Variants in NCALD observed in about 807,000 individuals in gnomAD.
The protein encoded by NCALD is neurocalcin delta.
A neutral mutation model predicts 18.6 loss-of-function variants in NCALD; 10 were observed. The observed-to-expected ratio is 0.54, with a 90% confidence interval of 0.33 to 0.91. The LOEUF (loss-of-function observed/expected upper bound fraction) is 0.91, where lower values mean the gene tolerates loss of function less well. Ranked by LOEUF, NCALD falls within the 40% of genes least tolerant of loss-of-function variation. NCALD has a pLI of 0.03. For synonymous variants in NCALD, 88 were observed against 87.4 expected, an observed-to-expected ratio of 1.01 and a Z score of -0.04; for missense variants, 184 against 247.6, an observed-to-expected ratio of 0.74 and a Z score of 1.72.
At chr8:101,744,124 C>T (rs1248247691) in intron 1 of NCALD, among the ~76,000 whole-genome samples, 19 of 152,174 alleles carry the variant, frequency 1.2e-4, no homozygotes. Flanking sequence ...TCTGATAGCC[C>T]CTTTCTCCCT....
At chr8:101,803,094 A>ATGGC (rs1243023702) in intron 4 of NCALD, among the ~76,000 whole-genome samples, 2 of 152,168 alleles carry the variant, frequency 1.3e-5, no homozygotes, top group East Asian at 3.8e-4. Flanking sequence ...AGAGAAGTCA[A>ATGGC]TGGCTGGCTT....
intron 2 of NCALD, among the ~76,000 whole-genome samples, chr8:101,958,896 G>T (rs908528859): frequency 6.6e-6 from 1 of 152,140 alleles, no homozygotes; most frequent in Non-Finnish European, 1.5e-5. Flanking sequence ...CAGAAAAGTT[G>T]CAGAAACAGC....
intron 1 of NCALD, among the ~76,000 whole-genome samples, chr8:102,119,968 G>C (rs1415326152): frequency 6.6e-6 from 1 of 152,166 alleles, no homozygotes; most frequent in Non-Finnish European, 1.5e-5. Context: ...AAAATTTCTT[G>C]AAGTTATATA....
At chr8:102,054,067 T>C (rs1160371121) in intron 1 of NCALD, among the ~76,000 whole-genome samples, 1 of 152,216 alleles carries the variant, frequency 6.6e-6, no homozygotes, top group African/African-American at 2.4e-5. Context: ...CTTCATGGCA[T>C]CCCATACAGG....
intron 1 of NCALD, among the ~76,000 whole-genome samples, chr8:101,770,291 A>G (rs1198317676): frequency 6.6e-6 from 1 of 152,202 alleles, no homozygotes; most frequent in Admixed American, 6.5e-5. Flanking sequence ...ATTCATTTCT[A>G]AAAATCAAGA....
At chr8:101,775,408 A>G (rs1421725195) in intron 1 of NCALD, among the ~76,000 whole-genome samples, 1 of 152,178 alleles carries the variant, frequency 6.6e-6, no homozygotes. Context: ...GAGGCTCTCA[A>G]CGTTTAGCTG....
chr8:102,083,561 T>G (rs775229746), intron 1 of NCALD, among the ~76,000 whole-genome samples: 6 of 152,196 alleles, frequency 3.9e-5, no homozygotes, highest in Non-Finnish European at 8.8e-5. Flanking sequence ...GTATGTATTA[T>G]CAAAGTCAAA....
intron 4 of NCALD, among the ~76,000 whole-genome samples, chr8:101,854,189 A>G (rs187269649): frequency 6.6e-6 from 1 of 152,282 alleles, no homozygotes; most frequent in East Asian, 1.9e-4. Context: ...TGTTTGCACT[A>G]TTGGTAGCAG....
intron 1 of NCALD, among the ~76,000 whole-genome samples, chr8:102,068,527 A>G (rs1159254977): frequency 2.0e-5 from 3 of 152,006 alleles, no homozygotes; most frequent in Non-Finnish European, 2.9e-5. Context: ...CAGCCTAGAA[A>G]TCACCTTCTA....
chr8:101,872,107 T>C lies in NCALD; in HGVS notation c.-20+15034A>G, dbSNP rs529305968. The C allele has an allele frequency of 7.5e-6, 12 of 1,597,514 alleles. No homozygotes were observed. In the East Asian group the frequency reaches 2.7e-4, roughly 36 times the overall value. Reference sequence around the variant, plus strand: ...GGGTATGCAGGTGGTTGAATTGGCTTTGATAAATTTGACATCAGGAAACTT... The same window carrying C: ...GGGTATGCAGGTGGTTGAATTGGCTCTGATAAATTTGACATCAGGAAACTT... On this transcript the variant is annotated intron_variant, in intron 4 of 6. Transcript: ENST00000311028.
At chr8:102,061,815 C>T (rs189576455) in intron 1 of NCALD, among the ~76,000 whole-genome samples, 6 of 152,280 alleles carry the variant, frequency 3.9e-5, no homozygotes, top group Non-Finnish European at 5.9e-5. Context: ...TGAAATTTCA[C>T]GTACACACGG....
chr8:101,705,908 T>C (rs1331904453), intron 2 of NCALD, among the ~76,000 whole-genome samples: 1 of 152,196 alleles, frequency 6.6e-6, no homozygotes, highest in African/African-American at 2.4e-5. Flanking sequence ...AAATAAATGA[T>C]TGTTGTTTTA....
At chr8:101,791,165 C>T (rs990142446), upstream of NCALD, among the ~76,000 whole-genome samples, 2 of 152,112 alleles carry the variant, frequency 1.3e-5, no homozygotes, top group Admixed American at 1.3e-4. Context: ...CACCATAGAA[C>T]CATCACGGAC....
intron 2 of NCALD, among the ~76,000 whole-genome samples, chr8:101,997,218 C>T (rs1166807798): frequency 2.6e-5 from 4 of 152,160 alleles, no homozygotes; most frequent in Admixed American, 6.5e-5. Flanking sequence ...CACTTTTTGA[C>T]GTTTTAACTT....
chr8:102,089,694 G>A (rs991179891), intron 1 of NCALD, among the ~76,000 whole-genome samples: 1 of 152,234 alleles, frequency 6.6e-6, no homozygotes, highest in East Asian at 1.9e-4. Flanking sequence ...AAAAAGTAAT[G>A]GGAATGTGGA....
chr8:101,705,445 A>G (rs1441360596), intron 2 of NCALD, among the ~76,000 whole-genome samples: 1 of 151,898 alleles, frequency 6.6e-6, no homozygotes, highest in Non-Finnish European at 1.5e-5. Context: ...TGAAGATCGT[A>G]TTTTCCAAAA....
At chr8:101,926,267 G>A (rs1171882023) in intron 2 of NCALD, among the ~76,000 whole-genome samples, 1 of 152,160 alleles carries the variant, frequency 6.6e-6, no homozygotes, top group Non-Finnish European at 1.5e-5. Context: ...CAACTTTCCC[G>A]AGGCCTGTTT....
intron 1 of NCALD, among the ~76,000 whole-genome samples, chr8:101,790,241 G>T (rs536803204): frequency 2.0e-5 from 3 of 152,146 alleles, no homozygotes; most frequent in South Asian, 2.1e-4. Context: ...CATGTAAAAG[G>T]TTCCACCCCA....
chr8:101,884,224 AG>A (rs1308136321), intron 4 of NCALD, among the ~76,000 whole-genome samples: 2 of 152,126 alleles, frequency 1.3e-5, no homozygotes, highest in East Asian at 1.9e-4. Flanking sequence ...CACTGAGACT[AG>A]GTGTGGTACC....
Sources: gnomAD v4.1 joint callset for allele counts (sites outside exome capture counted in the v4.1 genomes callset) on GRCh38, gnomAD v4.1.1 for gene constraint, MANE v1.5 for transcripts, NCBI Gene and HGNC (gene_info 2026-07-23, HGNC 2026-07-21) for gene names.